Variants in DOCK2 observed in about 807,000 individuals in gnomAD.
The protein encoded by DOCK2 is dedicator of cytokinesis protein 2.
In DOCK2, 87 loss-of-function variants were observed where a neutral mutation model predicts 248.9. The ratio of observed to expected loss-of-function variants is 0.35; its 90% confidence interval spans 0.29 to 0.42. The LOEUF (loss-of-function observed/expected upper bound fraction) is 0.42, where lower values mean the gene tolerates loss of function less well. DOCK2 is among the 10% of genes least tolerant of loss of function. The probability of loss-of-function intolerance (pLI) is 1.00; values close to 1 mark genes in which losing one functional copy is unlikely to be tolerated. For synonymous variants in DOCK2, 805 were observed against 821.6 expected, an observed-to-expected ratio of 0.98 and a Z score of 0.35; for missense variants, 1,747 against 2,300.2, an observed-to-expected ratio of 0.76 and a Z score of 4.92.
intron 27 of DOCK2, among the ~76,000 whole-genome samples, chr5:169,960,660 A>G (rs560596615): frequency 6.6e-6 from 1 of 152,304 alleles, no homozygotes; most frequent in South Asian, 2.1e-4. Flanking sequence ...TTGTGTGGTA[A>G]TATTCGGGTC....
At chr5:169,973,366 T>A (rs1387173790) in intron 27 of DOCK2, among the ~76,000 whole-genome samples, 1 of 152,218 alleles carries the variant, frequency 6.6e-6, no homozygotes, top group Non-Finnish European at 1.5e-5. Flanking sequence ...AGACTGTTCC[T>A]GGTGAATCAG....
chr5:170,050,335 A>G lies in DOCK2; in HGVS notation c.4151A>G (p.Asn1384Ser), dbSNP rs375716929. The change falls in exon 41 of 52, where the codon AAT (asparagine) becomes AGT (serine). Residue 1384 changes from asparagine (N) to serine (S), a missense_variant. Around this residue, in one of 4 missense-constraint regions of DOCK2, gnomAD observed 513 missense variants for 586.1 expected, o/e 0.88. Transcript: ENST00000520908. ...ATGCAGCTGATGACCCAGTTCCCCA[A>G]TGCAGAGAAGATGAACACCACCTCT... ...FQMQLMTQFP[N>S]AEKMNTTSAP... is the part of the protein sequence containing the mutation. 130 of 1,614,046 alleles carry G rather than the reference A, an allele frequency of 8.1e-5. No homozygotes were observed. Among genetic ancestry groups the G allele is most frequent in the African/African-American group, 1.3e-4 (10 of 74,932 alleles).
At chr5:170,050,504 T>C in intron 41 of DOCK2, 107 bp downstream of exon 41, 1 of 1,335,056 alleles carries the variant, frequency 7.5e-7, no homozygotes, top group South Asian at 1.5e-5. Context: ...CCAGAATCAT[T>C]GCAGTGGCGC....
At chr5:169,935,389 A>T (rs259904) in intron 27 of DOCK2, among the ~76,000 whole-genome samples, 22,715 of 152,158 alleles carry the variant, frequency 0.15, 2,386 homozygotes, top group African/African-American at 0.31. Flanking sequence ...GAGGCCTAGA[A>T]TGCCCTAGCT....
intron 27 of DOCK2, among the ~76,000 whole-genome samples, chr5:169,938,815 T>A (rs1187135247): frequency 6.6e-6 from 1 of 152,226 alleles, no homozygotes; most frequent in Non-Finnish European, 1.5e-5. Context: ...GTAATAACGC[T>A]TAGCTTAAAA....
chr5:169,776,572 G>T (rs1440621144), intron 25 of DOCK2, among the ~76,000 whole-genome samples: 1 of 152,146 alleles, frequency 6.6e-6, no homozygotes, highest in Non-Finnish European at 1.5e-5. Flanking sequence ...GGCTTCACAG[G>T]ACTCTTTGAA....
chr5:169,800,488 T>C (rs1172568336), intron 25 of DOCK2, among the ~76,000 whole-genome samples: 3 of 152,234 alleles, frequency 2.0e-5, no homozygotes, highest in Admixed American at 2.0e-4. Context: ...AGTTCAGCTC[T>C]CATGGAGCTT....
chr5:169,695,861 G>A lies in DOCK2; in HGVS notation c.902G>A (p.Arg301Gln), dbSNP rs1760588439. The stretch of plus-strand genomic sequence containing the variant: ...ATTTACTTGATTTGTCAAATAGTCC[G>A]GGTCGGCAAGATGGATCTTAAGGAT... ...DKIYLICQIV[R>Q]VGKMDLKDTG... The change falls in exon 10 of 52, where the codon CGG becomes CAG. Residue 301 changes from arginine to glutamine, a missense_variant. Physicochemically the swap from Arg to Gln is conservative, Grantham distance 43. Around this residue, in one of 4 missense-constraint regions of DOCK2, gnomAD observed 375 missense variants for 510.9 expected, o/e 0.73. Transcript: ENST00000520908. The A allele has an allele frequency of 1.9e-6, 3 of 1,613,884 alleles. No homozygotes were observed. The highest frequency in any genetic ancestry group is 2.2e-5 in the East Asian group (1 of 44,854).
chr5:169,971,085 T>C (rs1401484203), intron 27 of DOCK2, among the ~76,000 whole-genome samples: 1 of 151,624 alleles, frequency 6.6e-6, no homozygotes, highest in Non-Finnish European at 1.5e-5. Context: ...TAATGCGGAC[T>C]GCAGAGGATG....
chr5:170,032,925 C>G (rs1756192321), intron 34 of DOCK2, among the ~76,000 whole-genome samples: 1 of 152,028 alleles, frequency 6.6e-6, no homozygotes, highest in Non-Finnish European at 1.5e-5. Context: ...ATAATGTCTA[C>G]TTGAGATACC....
chr5:170,012,892 A>G (rs1347893342), intron 32 of DOCK2, among the ~76,000 whole-genome samples: 1 of 152,176 alleles, frequency 6.6e-6, no homozygotes, highest in Non-Finnish European at 1.5e-5. Flanking sequence ...TCGGCCTCCC[A>G]TGTAGGGAGG....
At chr5:169,917,854 T>C (rs1774960328) in intron 27 of DOCK2, among the ~76,000 whole-genome samples, 1 of 152,208 alleles carries the variant, frequency 6.6e-6, no homozygotes, top group South Asian at 2.1e-4. Context: ...AAAGCTGGTC[T>C]TCCCTTTCCA....
At position 169,670,983 on chromosome 5, in the gene DOCK2, C is replaced by T. The variant is rs571156650; in HGVS notation, c.225-95C>T. ...TTTTAGTCTAATGTCAGGAAGGCCC[C>T]TCCGCAGCTGCAGCTTAATGCAAAT... On this transcript the variant is annotated intron_variant, in intron 4 of 51. Coordinates refer to ENST00000520908, the MANE Select transcript of DOCK2 (RefSeq NM_004946.3). 4.0e-5 allele frequency: 40 copies of T among 988,258 alleles called. No homozygotes were observed. In the African/African-American group the frequency reaches 5.2e-4, roughly 13 times the overall value. The allele number at this position is 988,258 out of a possible 1,614,324, so 61.2% of individuals were successfully genotyped here. A position where few individuals can be genotyped will look rare whatever the true frequency, so the allele number is the denominator to read the frequency against.
intron 32 of DOCK2, among the ~76,000 whole-genome samples, chr5:170,015,567 T>TTTTGTCTG (rs1554126075): frequency 3.3e-5 from 5 of 151,076 alleles, no homozygotes; most frequent in African/African-American, 1.2e-4. Flanking sequence ...TTTAGGTTTT[T>TTTTGTCTG]TTTGTTTGTT....
chr5:169,715,595 C>CT (rs1306325431), intron 19 of DOCK2, among the ~76,000 whole-genome samples: 1,876 of 142,182 alleles, frequency 0.013, 43 homozygotes, highest in African/African-American at 0.042. Flanking sequence ...ATTCTTTTTT[C>CT]TTTTTTTTTT....
At chr5:169,862,260 A>G (rs993834793) in intron 27 of DOCK2, among the ~76,000 whole-genome samples, 3 of 152,244 alleles carry the variant, frequency 2.0e-5, no homozygotes, top group Non-Finnish European at 2.9e-5. Flanking sequence ...GCCAAAGGCT[A>G]GTGGTATAGA....
intron 27 of DOCK2, among the ~76,000 whole-genome samples, chr5:169,856,240 G>A (rs1432077977): frequency 1.3e-5 from 2 of 152,190 alleles, no homozygotes; most frequent in African/African-American, 4.8e-5. Context: ...AGGAGGCAAT[G>A]TGACATTCAG....
chr5:169,946,325 G>A (rs541416739), intron 27 of DOCK2, among the ~76,000 whole-genome samples: 3 of 152,328 alleles, frequency 2.0e-5, no homozygotes, highest in Admixed American at 2.0e-4. Flanking sequence ...GAAGTGGTGT[G>A]TTTGCTCTCT....
intron 27 of DOCK2, among the ~76,000 whole-genome samples, chr5:169,855,481 G>A (rs1770836296): frequency 1.3e-5 from 2 of 152,260 alleles, no homozygotes; most frequent in African/African-American, 4.8e-5. Context: ...TAGATTATAA[G>A]GAGACTTATT....
Sources: allele counts gnomAD v4.1 joint callset (sites outside exome capture counted in the v4.1 genomes callset), GRCh38; gene constraint gnomAD v4.1.1; regional missense constraint gnomAD v4.1.1; transcripts MANE v1.5; gene names NCBI Gene and HGNC (gene_info 2026-07-23, HGNC 2026-07-21).